The following CAMK2B variants were observed in gnomAD, a reference collection of about 807,000 sequenced individuals.
CAMK2B encodes the protein calcium/calmodulin-dependent protein kinase type II subunit beta.
CAMK2B carries 27 observed loss-of-function variants against 93.7 expected under a neutral mutation model. The ratio of observed to expected loss-of-function variants is 0.29; its 90% CI spans 0.21 to 0.40. CAMK2B has a LOEUF of 0.40. CAMK2B is among the 10% of genes least tolerant of loss of function. The pLI, the probability that CAMK2B is intolerant of heterozygous loss-of-function variation, is 1.00. For synonymous variants in CAMK2B, 374 were observed against 358.8 expected (o/e 1.04, Z -0.48); for missense variants, 568 against 895.8 (o/e 0.63, Z 4.67).
At chr7:44,293,415 C>A (rs915471626) in intron 1 of CAMK2B, among the ~76,000 whole-genome samples, 1 of 152,180 alleles carries the variant, frequency 6.6e-6, no homozygotes, top group Non-Finnish European at 1.5e-5. Flanking sequence ...CACATTTTCA[C>A]ATGGGTTAAC....
chr7:44,298,098 G>A (rs189235781), intron 1 of CAMK2B, among the ~76,000 whole-genome samples: 9 of 152,148 alleles, frequency 5.9e-5, no homozygotes, highest in Admixed American at 4.6e-4. Context: ...CATTCCAGCC[G>A]GGGTGACAGA....
chr7:44,299,967 T>G (rs1474700617), intron 1 of CAMK2B, among the ~76,000 whole-genome samples: 1 of 151,888 alleles, frequency 6.6e-6, no homozygotes, highest in Non-Finnish European at 1.5e-5. Context: ...TAACAATAAT[T>G]AAAATAAAGC....
chr7:44,325,450 T>C lies in CAMK2B; in HGVS notation c.-29A>G. The C allele has an allele frequency of 9.4e-7, 1 of 1,062,482 alleles. No individual in the cohort carries two copies. Among genetic ancestry groups the C allele is most frequent in the Non-Finnish European group, 1.1e-6 (1 of 869,904 alleles). The allele number at this position is 1,062,482 out of a possible 1,614,324, so 65.8% of individuals were successfully genotyped here. ...GGCGGCGGACGGGCTCGGCGTGCGC[T>C]CGGCTGCGCTCGGGCGGCGGCGACT... On this transcript the variant is annotated 5_prime_UTR_variant, in exon 1 of 24. Coordinates refer to ENST00000395749, the MANE Select transcript of CAMK2B (RefSeq NM_001220.5).
At position 44,312,369 on chromosome 7, in the gene CAMK2B, C is replaced by T. The variant is rs547811225; in HGVS notation, c.65+12988G>A. On this transcript the variant is annotated intron_variant, in intron 1 of 23. Coordinates refer to ENST00000395749, the MANE Select transcript of CAMK2B (RefSeq NM_001220.5). This position sits in a 1 kb window ranked among gnomAD's most constrained non-coding sequence, Gnocchi z 4.1. ...TCTCAGGGGCTGCAAAGCCCCAGAA[C>T]GGCCTTCAGAGCTAGGGACAAGCCA... 6.6e-5 allele frequency among the ~76,000 whole-genome samples: 10 copies of T among 152,220 alleles called. 1 individual carries two copies. In the South Asian group the frequency reaches 1.5e-3, roughly 22 times the overall value.
intron 2 of CAMK2B, among the ~76,000 whole-genome samples, chr7:44,270,001 T>C (rs1250976853): frequency 6.6e-6 from 1 of 152,074 alleles, no homozygotes; most frequent in Non-Finnish European, 1.5e-5. Flanking sequence ...GCCCCAGGAC[T>C]GTGCTGGACT....
rs1001417255 is a variant in CAMK2B at position 44,234,292 on chromosome 7, G to A, written c.1131+98C>T. 15 of 1,139,502 alleles carry A rather than the reference G, an allele frequency of 1.3e-5. 1 individual carries two copies. The highest frequency in any genetic ancestry group is 1.7e-5 in the Non-Finnish European group (14 of 816,814). The allele number at this position is 1,139,502 out of a possible 1,614,324, so 70.6% of individuals were successfully genotyped here. On this transcript the variant is annotated intron_variant, in intron 15 of 23. Transcript: ENST00000395749. ...AGTGCTGTCAGACAGGCCAGGCGGG[G>A]CCAGACCCCACCTTCACCCGGCCCC...
Position 44,271,124 on chromosome 7 carries a change from G to A in CAMK2B, c.161-8060C>T, listed in dbSNP as rs1002930090. The stretch of plus-strand genomic sequence containing the variant: ...AGTAGAGACAGGGTTTCACCATGTC[G>A]GCCAGGCTGGTCTTGAACTCCTGAC... On this transcript the variant is annotated intron_variant, in intron 2 of 23. Transcript: ENST00000395749. This position sits in a 1 kb window ranked among gnomAD's most constrained non-coding sequence, Gnocchi z 4.2. Among the ~76,000 whole-genome samples the A allele has an allele frequency of 3.9e-5, 6 of 151,914 alleles. No homozygotes were observed. The highest frequency in any genetic ancestry group is 7.3e-5 in the African/African-American group (3 of 41,324).
In CAMK2B at chr7:44,231,233, C is replaced by T. The variant is rs113050969; in HGVS notation, c.1177-179G>A. On this transcript the variant is annotated intron_variant, in intron 16 of 23. Transcript: ENST00000395749. ...GGGGCTCAGGGGACATGCCCTCTGG[C>T]GGCTGCAGGGCCCCAGCTCTGTGGA... Among the ~76,000 whole-genome samples the T allele has an allele frequency of 3.9e-3, 586 of 152,168 alleles. 5 individuals are homozygous for T. The highest frequency in any genetic ancestry group is 0.013 in the African/African-American group (558 of 41,428).
intron 3 of CAMK2B, chr7:44,259,249 C>T (rs910749898): frequency 1.4e-5 from 4 of 293,770 alleles, no homozygotes; most frequent in East Asian, 1.2e-4. Flanking sequence ...CTTTTGGTCC[C>T]AGCCTGGGCC....
chr7:44,242,783 G>GC, intron 8 of CAMK2B, 129 bp from the exon 9 acceptor site: 1 of 662,564 alleles, frequency 1.5e-6, no homozygotes, highest in Non-Finnish European at 2.7e-6. Context: ...GCATTCCTTT[G>GC]CCCCCACCTG....
Position 44,240,639 on chromosome 7 carries a change from G to A in CAMK2B, c.946+68C>T. ...AGGAGTGGAGAGGCTGGTGAGGAAG[G>A]AGGCGCTCTCCTGCGTGGGCCAGCA... On this transcript the variant is annotated intron_variant, in intron 12 of 23. Coordinates refer to ENST00000395749, the MANE Select transcript of CAMK2B (RefSeq NM_001220.5). 10 of 1,547,106 alleles carry A rather than the reference G, an allele frequency of 6.5e-6. No individual in the cohort carries two copies. In the South Asian group the frequency reaches 1.1e-4, roughly 18 times the overall value.
intron 1 of CAMK2B, 134 bp downstream of exon 1, chr7:44,325,223 C>A: frequency 3.0e-6 from 1 of 334,388 alleles, no homozygotes; most frequent in Non-Finnish European, 4.2e-6. Context: ...CGGGGCCGTG[C>A]GCTTGGGCCC....
At position 44,312,820 on chromosome 7, in the gene CAMK2B, C is replaced by T. The variant is rs1047248318; in HGVS notation, c.65+12537G>A. On this transcript the variant is annotated intron_variant, in intron 1 of 23. Coordinates refer to ENST00000395749, the MANE Select transcript of CAMK2B (RefSeq NM_001220.5). The surrounding 1 kb of genome is among the most constrained non-coding windows in gnomAD (Gnocchi z 4.1). ...AATGTAAGAATAAAATGAACCTGGC[C>T]TCAGGCATGCAGAGGAGTTGTGAAA... is the stretch of plus-strand genomic sequence containing the variant. Among the ~76,000 whole-genome samples the T allele has an allele frequency of 6.6e-6, 1 of 152,142 alleles. No homozygotes were observed. The highest frequency in any genetic ancestry group is 1.5e-5 in the Non-Finnish European group (1 of 68,032).
intron 13 of CAMK2B, among the ~76,000 whole-genome samples, chr7:44,237,427 C>T (rs140904826): frequency 6.6e-6 from 1 of 152,366 alleles, no homozygotes; most frequent in East Asian, 1.9e-4. Flanking sequence ...ACGCTGCCAT[C>T]AGAGCTCTGG....
rs569915347 is a variant in CAMK2B at position 44,225,034 on chromosome 7, T to C, written c.1597+1482A>G. 1.1e-4 allele frequency among the ~76,000 whole-genome samples: 16 copies of C among 151,200 alleles called. No homozygotes were observed. In the East Asian group the frequency reaches 3.1e-3, roughly 30 times the overall value. ...CTCACAGCTCCTTCCTGCAGCCCCCTCCTCCCCAGCCAAGCTCAGGGAAGA... is the reference window on the plus strand; with the variant it reads ...CTCACAGCTCCTTCCTGCAGCCCCCCCCTCCCCAGCCAAGCTCAGGGAAGA... On this transcript the variant is annotated intron_variant, in intron 20 of 23. Transcript: ENST00000395749. This position sits in a 1 kb window ranked among gnomAD's most constrained non-coding sequence, Gnocchi z 5.0.
At chr7:44,258,158 C>G (rs2096849826) in intron 4 of CAMK2B, among the ~76,000 whole-genome samples, 1 of 152,232 alleles carries the variant, frequency 6.6e-6, no homozygotes. Flanking sequence ...GAGGCGGCAG[C>G]GGCCCCAGAC....
rs186582490 is a variant in CAMK2B, at chr7:44,302,482, G to A, written c.66-18257C>T. Among the ~76,000 whole-genome samples, 199 of 152,168 alleles carry A rather than the reference G, an allele frequency of 1.3e-3. 1 individual carries two copies. The highest frequency in any genetic ancestry group is 4.7e-3 in the African/African-American group (194 of 41,532). ...AAATATACAGACCAAAATCTCACAT[G>A]AACACAGATGCAAAAATTCTCAACA... On this transcript the variant is annotated intron_variant, in intron 1 of 23. Coordinates refer to ENST00000395749, the MANE Select transcript of CAMK2B (RefSeq NM_001220.5).
At chr7:44,221,318 C>G (rs2096402252) in intron 20 of CAMK2B, among the ~76,000 whole-genome samples, 1 of 152,202 alleles carries the variant, frequency 6.6e-6, no homozygotes, top group Non-Finnish European at 1.5e-5. Context: ...CCTGCAGCTT[C>G]CCGGCCCCAC....
chr7:44,256,205 T>C (rs2096832041), intron 4 of CAMK2B, among the ~76,000 whole-genome samples: 1 of 152,256 alleles, frequency 6.6e-6, no homozygotes, highest in African/African-American at 2.4e-5. Flanking sequence ...CAAAACAGTG[T>C]TGACGGGGCC....
Sources: allele counts gnomAD v4.1 joint callset (sites outside exome capture counted in the v4.1 genomes callset), GRCh38; gene constraint gnomAD v4.1.1; non-coding constraint Gnocchi (gnomAD v3.1); transcripts MANE v1.5; gene names NCBI Gene and HGNC (gene_info 2026-07-23, HGNC 2026-07-21).